Variants in STMND1 observed in about 807,000 individuals in gnomAD.
STMND1 encodes stathmin domain-containing protein 1.
STMND1 carries 17 observed loss-of-function variants against 23.0 expected under a neutral mutation model. The ratio of observed to expected loss-of-function variants is 0.74; its 90% CI spans 0.51 to 1.11. The LOEUF (loss-of-function observed/expected upper bound fraction) is 1.11, where lower values mean the gene tolerates loss of function less well. STMND1 is among the 50% of genes least tolerant of loss of function. The probability of loss-of-function intolerance (pLI) is 0.00; values close to 1 mark genes in which losing one functional copy is unlikely to be tolerated. For missense variants in STMND1, 305 were observed against 329.1 expected (o/e 0.93, Z 0.57); for synonymous variants, 114 against 119.9 (o/e 0.95, Z 0.32).
chr6:17,126,208 C>T (rs1182385699), intron 3 of STMND1, among the ~76,000 whole-genome samples: 7 of 149,968 alleles, frequency 4.7e-5, no homozygotes, highest in East Asian at 3.9e-4. Flanking sequence ...TGAGCCACTG[C>T]GCCCAGCTCA....
intron 3 of STMND1, among the ~76,000 whole-genome samples, chr6:17,126,138 G>A (rs1179361300): frequency 8.5e-6 from 1 of 117,256 alleles, no homozygotes; most frequent in East Asian, 2.8e-4. Context: ...GGCTGGTCTT[G>A]AATTTCTGAA....
At position 17,126,035 on chromosome 6, in the gene STMND1, TA is replaced by T. The variant is rs1409231271; in HGVS notation, c.412-3076del. On this transcript the variant is annotated intron_variant, in intron 3 of 4. Coordinates refer to ENST00000536551, the MANE Select transcript of STMND1 (RefSeq NM_001190766.2). ...TCTAAGCATAAGGTGATCATTGTTT[TA>T]TATATATATATATATATATATATAT... is the stretch of plus-strand genomic sequence containing the variant. Among the ~76,000 whole-genome samples the T allele has an allele frequency of 6.4e-4, 15 of 23,268 alleles. No homozygotes were observed. The South Asian group carries it at 0.02, about 31-fold the overall frequency. 15.3% of individuals were successfully genotyped at this position (23,268 alleles called of 152,430 possible).
intron 3 of STMND1, among the ~76,000 whole-genome samples, chr6:17,127,406 T>C (rs571462129): frequency 6.6e-6 from 1 of 152,118 alleles, no homozygotes; most frequent in South Asian, 2.1e-4. Context: ...AAAAATTAGC[T>C]GGGCGTGGTG....
chr6:17,117,737 G>A (rs755024472), intron 2 of STMND1, among the ~76,000 whole-genome samples: 1 of 126,084 alleles, frequency 7.9e-6, no homozygotes, highest in East Asian at 2.5e-4. Context: ...TTGCAGTGGT[G>A]CAGTCTCAGC....
At chr6:17,103,382 G>A (rs947235331) in intron 1 of STMND1, among the ~76,000 whole-genome samples, 2 of 151,968 alleles carry the variant, frequency 1.3e-5, no homozygotes, top group African/African-American at 2.4e-5. Flanking sequence ...CTTCATGTGG[G>A]GCACATCTCT....
chr6:17,106,110 T>C (rs1346371527), intron 1 of STMND1, among the ~76,000 whole-genome samples: 1 of 151,942 alleles, frequency 6.6e-6, no homozygotes, highest in African/African-American at 2.4e-5. Context: ...TACTGTTTCC[T>C]CTCTTTCCAG....
intron 1 of STMND1, among the ~76,000 whole-genome samples, chr6:17,104,464 C>A (rs1164962962): frequency 1.3e-5 from 2 of 152,080 alleles, no homozygotes; most frequent in Non-Finnish European, 2.9e-5. Context: ...GGAGGGGATG[C>A]TAAAAACCAA....
chr6:17,130,680 G>T lies in STMND1; in HGVS notation c.630G>T (p.Gly210=), dbSNP rs1330923583. The T allele has an allele frequency of 1.3e-6, 2 of 1,536,052 alleles. No homozygotes were observed. Residue 210 remains glycine (G), a synonymous_variant, in exon 5 of 5, where the codon GGG becomes GGT. Coordinates refer to ENST00000536551, the MANE Select transcript of STMND1 (RefSeq NM_001190766.2). ...ANHSDSAELD[G]AEVAFAKGLQ... ...ACTCAGATTCAGCTGAATTAGATGG[G>T]GCCGAGGTTGCATTTGCCAAAGGAC... is the stretch of plus-strand genomic sequence containing the variant.
intron 3 of STMND1, among the ~76,000 whole-genome samples, chr6:17,123,672 T>A (rs1761260316): frequency 6.6e-6 from 1 of 152,206 alleles, no homozygotes; most frequent in South Asian, 2.1e-4. Flanking sequence ...CTCAAATCCA[T>A]TACCAAAGCT....
intron 1 of STMND1, among the ~76,000 whole-genome samples, chr6:17,107,470 C>T (rs1347457027): frequency 6.6e-6 from 1 of 152,146 alleles, no homozygotes; most frequent in Non-Finnish European, 1.5e-5. Flanking sequence ...TGTAGAAACA[C>T]ACTGAATCCG....
At chr6:17,123,337 G>T (rs979602963) in intron 3 of STMND1, among the ~76,000 whole-genome samples, 1 of 152,164 alleles carries the variant, frequency 6.6e-6, no homozygotes, top group Non-Finnish European at 1.5e-5. Context: ...ATTTAAATGT[G>T]ACAGCCTTCA....
intron 4 of STMND1, 65 bp downstream of exon 4, chr6:17,129,308 G>A: frequency 6.8e-7 from 1 of 1,475,836 alleles, no homozygotes; most frequent in Non-Finnish European, 9.0e-7. Flanking sequence ...TCTCACCCCA[G>A]AGCTTTCCTA....
chr6:17,111,390 T>C (rs1017047765), intron 1 of STMND1, among the ~76,000 whole-genome samples: 1 of 152,180 alleles, frequency 6.6e-6, no homozygotes, highest in Non-Finnish European at 1.5e-5. Context: ...CATGGAATGA[T>C]TGGATGGGTT....
intron 3 of STMND1, among the ~76,000 whole-genome samples, chr6:17,127,484 AG>A (rs1761323695): frequency 6.6e-6 from 1 of 152,196 alleles, no homozygotes; most frequent in Non-Finnish European, 1.5e-5. Context: ...CGGGAGGCGG[AG>A]GTTGCAGTGA....
intron 3 of STMND1, among the ~76,000 whole-genome samples, chr6:17,126,556 A>G (rs1054084303): frequency 6.6e-6 from 1 of 152,176 alleles, no homozygotes; most frequent in Non-Finnish European, 1.5e-5. Context: ...TTAGCCTTCT[A>G]CGCATGAACA....
At chr6:17,121,884 A>G (rs1320156551) in intron 3 of STMND1, among the ~76,000 whole-genome samples, 2 of 142,228 alleles carry the variant, frequency 1.4e-5, no homozygotes, top group Admixed American at 1.4e-4. Flanking sequence ...TTTTTTTGAG[A>G]TGGAGTCTTG....
chr6:17,119,329 T>A (rs1281711121), intron 2 of STMND1, among the ~76,000 whole-genome samples: 1 of 151,836 alleles, frequency 6.6e-6, no homozygotes, highest in Non-Finnish European at 1.5e-5. Context: ...ATCTGATTAG[T>A]GTGTGTGTGT....
At chr6:17,105,273 C>T (rs1761007533) in intron 1 of STMND1, among the ~76,000 whole-genome samples, 1 of 152,174 alleles carries the variant, frequency 6.6e-6, no homozygotes. Context: ...GTTAAATAAA[C>T]TCAGTATAAG....
chr6:17,114,958 A>C lies in STMND1; in HGVS notation c.82-4A>C. On this transcript the variant is annotated splice_polypyrimidine_tract_variant and splice_region_variant and intron_variant, in intron 1 of 4. Transcript: ENST00000536551. ...ACTCTAACAAAACTGTTCCCTTTTCACAGGCTGATGTCAGTGTGCCTCATA... is the reference window on the plus strand; with the variant it reads ...ACTCTAACAAAACTGTTCCCTTTTCCCAGGCTGATGTCAGTGTGCCTCATA... 6.6e-7 allele frequency: 1 copy of C among 1,504,466 alleles called. No individual in the cohort carries two copies. The highest frequency in any genetic ancestry group is 2.3e-5 in the Admixed American group (1 of 42,992). 93.2% of individuals were successfully genotyped at this position (1,504,466 alleles called of 1,614,324 possible).
Sources: allele counts gnomAD v4.1 joint callset (sites outside exome capture counted in the v4.1 genomes callset), GRCh38; gene constraint gnomAD v4.1.1; transcripts MANE v1.5; gene names NCBI Gene and HGNC (gene_info 2026-07-23, HGNC 2026-07-21).